P2RX7: variants seen among roughly 807,000 people sequenced by gnomAD.
P2RX7 encodes P2X purinoceptor 7.
In P2RX7, 62 loss-of-function variants were observed where a neutral mutation model predicts 71.6. The observed-to-expected ratio is 0.87, with a 90% CI of 0.71 to 1.07. P2RX7 has a LOEUF of 1.07. P2RX7 is among the 50% of genes least tolerant of loss of function. The probability of loss-of-function intolerance (pLI) is 0.00; values close to 1 mark genes in which losing one functional copy is unlikely to be tolerated. For missense variants in P2RX7, 686 were observed against 748.5 expected (o/e 0.92, Z 0.97); for synonymous variants, 299 against 283.3 (o/e 1.06, Z -0.56).
intron 8 of P2RX7, among the ~76,000 whole-genome samples, chr12:121,171,851 A>ATTCT (rs60719231): frequency 0.22 from 30,238 of 140,218 alleles, 3,619 homozygotes; most frequent in Non-Finnish European, 0.25. Context: ...ACCCCAAGTG[A>ATTCT]TTCTTTCTTT....
chr12:121,144,409 G>T (rs1875693240), intron 1 of P2RX7, among the ~76,000 whole-genome samples: 1 of 152,330 alleles, frequency 6.6e-6, no homozygotes, highest in African/African-American at 2.4e-5. Flanking sequence ...TGTTGGCCAA[G>T]CTGGTCTTGA....
At position 121,148,185 on chromosome 12, in the gene P2RX7, C is replaced by CTTTT. The variant is rs896518458; in HGVS notation, c.126-6597_126-6594dup. ...CTATGGGAATGACTTGGGCTGGGAT[C>CTTTT]TTTTTTATTTATTTATTTATTTATT... On this transcript the variant is annotated intron_variant, in intron 1 of 12. Coordinates refer to ENST00000328963, the MANE Select transcript of P2RX7 (RefSeq NM_002562.6). 6.5e-4 allele frequency among the ~76,000 whole-genome samples: 88 copies of CTTTT among 135,452 alleles called. 1 individual carries two copies. The highest frequency in any genetic ancestry group is 1.8e-3 in the African/African-American group (66 of 36,068). The allele number at this position is 135,452 out of a possible 152,430, so 88.9% of individuals were successfully genotyped here. A position where few individuals can be genotyped will look rare whatever the true frequency, so the allele number is the denominator to read the frequency against.
Position 121,154,840 on chromosome 12 carries a change from G to T in P2RX7, c.181G>T (p.Val61Leu). Residue 61 changes from valine to leucine, a missense_variant, in exon 2 of 13, where the codon GTG (valine) becomes TTG (leucine). Val to Leu is a conservative substitution (Grantham distance 32). Coordinates refer to ENST00000328963, the MANE Select transcript of P2RX7 (RefSeq NM_002562.6). This position sits in a 1 kb window ranked among gnomAD's most constrained non-coding sequence, Gnocchi z 4.2. ...GCGGAAAGAGCCTGTCATCAGTTCT[G>T]TGCACACCAAGGTGAAGGGGATAGC... The part of the protein sequence containing the change: ...YQRKEPVISS[V>L]HTKVKGIAEV... 6.2e-7 allele frequency: 1 copy of T among 1,614,190 alleles called. No individual in the cohort carries two copies. Among genetic ancestry groups the T allele is most frequent in the Non-Finnish European group, 8.5e-7 (1 of 1,180,014 alleles).
rs1022709037 is a variant in P2RX7, at chr12:121,149,153, T to C, written c.126-5632T>C. 1.9e-5 allele frequency: 9 copies of C among 466,480 alleles called. No individual in the cohort carries two copies. The highest frequency in any genetic ancestry group is 6.1e-5 in the African/African-American group (3 of 49,450). The allele number at this position is 466,480 out of a possible 1,614,324, so 28.9% of individuals were successfully genotyped here. ...GTCACTCATATTCAGAGCATGTGGA[T>C]TGAGACTCTGAAGAACGACTTTATG... On this transcript the variant is annotated intron_variant, in intron 1 of 12. Coordinates refer to ENST00000328963, the MANE Select transcript of P2RX7 (RefSeq NM_002562.6). The surrounding 1 kb of genome is among the most constrained non-coding windows in gnomAD (Gnocchi z 4.7).
At chr12:121,170,051 T>G (rs1881867520) in intron 8 of P2RX7, among the ~76,000 whole-genome samples, 2 of 152,180 alleles carry the variant, frequency 1.3e-5, no homozygotes, top group Non-Finnish European at 2.9e-5. Flanking sequence ...CTGGCCCCTG[T>G]GTAGACGTTT....
At chr12:121,178,765 C>G (rs1883586528) in intron 11 of P2RX7, among the ~76,000 whole-genome samples, 1 of 130,512 alleles carries the variant, frequency 7.7e-6, no homozygotes, top group African/African-American at 3.0e-5. Flanking sequence ...GCACTCCAGC[C>G]TGAGTGACAG....
At chr12:121,166,317 C>G (rs1034950534) in intron 7 of P2RX7, 130 bp downstream of exon 7, 24 of 980,598 alleles carry the variant, frequency 2.4e-5, no homozygotes, top group Non-Finnish European at 3.2e-5. Flanking sequence ...AGTAAATCCA[C>G]CCGCTACGCT....
At position 121,154,290 on chromosome 12, in the gene P2RX7, C is replaced by CAA. The variant is rs58387580; in HGVS notation, c.126-483_126-482dup. The stretch of plus-strand genomic sequence containing the variant: ...GGGCAACAAGAGCAAAACTCTGTTT[C>CAA]AAAAAAAAAAAAAGAGAGAGAGAGA... On this transcript the variant is annotated intron_variant, in intron 1 of 12. Transcript: ENST00000328963. This position sits in a 1 kb window ranked among gnomAD's most constrained non-coding sequence, Gnocchi z 4.2. Among the ~76,000 whole-genome samples, 103 of 127,816 alleles carry CAA rather than the reference C, an allele frequency of 8.1e-4. No homozygotes were observed. Among genetic ancestry groups the CAA allele is most frequent in the African/African-American group, 2.6e-3 (89 of 34,482 alleles). 83.9% of individuals were successfully genotyped at this position (127,816 alleles called of 152,430 possible). A position where few individuals can be genotyped will look rare whatever the true frequency, so the allele number is the denominator to read the frequency against.
At chr12:121,165,763 G>C (rs1880886146) in intron 6 of P2RX7, among the ~76,000 whole-genome samples, 1 of 152,208 alleles carries the variant, frequency 6.6e-6, no homozygotes, top group African/African-American at 2.4e-5. Context: ...GTATATGGTG[G>C]CTGGCTTCTC....
At chr12:121,164,825 T>C (rs2051551) in intron 5 of P2RX7, among the ~76,000 whole-genome samples, 10,237 of 151,894 alleles carry the variant, frequency 0.067, 386 homozygotes, top group South Asian at 0.094. Flanking sequence ...TGAGACCAAA[T>C]ACTTTACGAA....
intron 1 of P2RX7, among the ~76,000 whole-genome samples, chr12:121,151,750 G>A (rs1274436072): frequency 2.0e-5 from 3 of 151,736 alleles, no homozygotes; most frequent in Non-Finnish European, 2.9e-5. Context: ...ACCCCAAAAG[G>A]ACACTCCATG....
chr12:121,154,987 G>T lies in P2RX7; in HGVS notation c.294+34G>T, dbSNP rs200847526. 57 of 1,610,476 alleles carry T rather than the reference G, an allele frequency of 3.5e-5. No individual in the cohort carries two copies. In the Admixed American group the frequency reaches 8.2e-4, roughly 23 times the overall value. On this transcript the variant is annotated intron_variant, in intron 2 of 12. Coordinates refer to ENST00000328963, the MANE Select transcript of P2RX7 (RefSeq NM_002562.6). The surrounding 1 kb of genome is among the most constrained non-coding windows in gnomAD (Gnocchi z 4.2). ...CTCGTAGCATTCTCCCAGGCTCGTC[G>T]CTGGTCACCGTCGCCAGGGCCTAGC...
At chr12:121,173,874 G>C (rs1882616699) in intron 8 of P2RX7, among the ~76,000 whole-genome samples, 5 of 152,070 alleles carry the variant, frequency 3.3e-5, no homozygotes, top group Admixed American at 3.3e-4. Flanking sequence ...TTGCAGAGGA[G>C]ATGTAAACAA....
chr12:121,170,058 G>A (rs1718133), intron 8 of P2RX7, among the ~76,000 whole-genome samples: 59,127 of 151,958 alleles, frequency 0.39, 11,951 homozygotes, highest in African/African-American at 0.45. Context: ...CTGTGTAGAC[G>A]TTTGAGTTTG....
chr12:121,182,316 G>C (rs1420557428), intron 12 of P2RX7, among the ~76,000 whole-genome samples: 2 of 152,108 alleles, frequency 1.3e-5, no homozygotes, highest in Non-Finnish European at 2.9e-5. Context: ...TAATGTTCTT[G>C]TTGGATTTGT....
intron 2 of P2RX7, among the ~76,000 whole-genome samples, chr12:121,155,649 C>A (rs1878427755): frequency 6.6e-6 from 1 of 152,148 alleles, no homozygotes; most frequent in African/African-American, 2.4e-5. Context: ...CATTAAAATC[C>A]TGTGATTGCT....
intron 5 of P2RX7, among the ~76,000 whole-genome samples, chr12:121,164,208 C>T (rs1432525732): frequency 6.6e-6 from 1 of 152,204 alleles, no homozygotes; most frequent in Non-Finnish European, 1.5e-5. Context: ...GTGACCTGGG[C>T]AAGCAACTCC....
chr12:121,139,132 G>T (rs1874306165), intron 1 of P2RX7, among the ~76,000 whole-genome samples: 1 of 152,142 alleles, frequency 6.6e-6, no homozygotes, highest in African/African-American at 2.4e-5. Context: ...AGTAGAGACG[G>T]GGTTTTGCCA....
chr12:121,165,259 G>T, intron 5 of P2RX7, 98 bp from the exon 6 acceptor site: 1 of 885,126 alleles, frequency 1.1e-6, no homozygotes, highest in South Asian at 1.4e-5. Flanking sequence ...GTATCCCAAA[G>T]ACCAAGCCAA....
Sources: allele counts gnomAD v4.1 joint callset (sites outside exome capture counted in the v4.1 genomes callset), GRCh38; gene constraint gnomAD v4.1.1; non-coding constraint Gnocchi (gnomAD v3.1); transcripts MANE v1.5; gene names NCBI Gene and HGNC (gene_info 2026-07-23, HGNC 2026-07-21).